Variants in UPB1 observed in about 807,000 individuals in gnomAD.
UPB1 encodes the protein beta-ureidopropionase 1.
Under a neutral mutation model 49.1 loss-of-function variants are expected in UPB1, and 40 were observed. The observed-to-expected ratio is 0.81, with a 90% CI of 0.63 to 1.06. The LOEUF (loss-of-function observed/expected upper bound fraction) is 1.06. Ranked by LOEUF, UPB1 falls within the 50% of genes least tolerant of loss-of-function variation. The pLI is 0.00. For missense variants in UPB1, 499 were observed against 505.9 expected (o/e 0.99, Z 0.13); for synonymous variants, 207 against 198.2 (o/e 1.04, Z -0.38).
chr22:24,525,105 C>T (rs1332267006), intron 9 of UPB1, among the ~76,000 whole-genome samples: 1 of 151,998 alleles, frequency 6.6e-6, no homozygotes, highest in African/African-American at 2.4e-5. Context: ...AGCAGTAAAC[C>T]AAATGTTTTC....
Position 24,523,729 on chromosome 22 carries a change from G to C in UPB1, c.1027G>C (p.Asp343His), listed in dbSNP as rs137995678. 1.1e-5 allele frequency: 17 copies of C among 1,614,154 alleles called. No homozygotes were observed. In the East Asian group the frequency reaches 3.6e-4, roughly 34 times the overall value. Residue 343 changes from aspartate to histidine, a missense_variant, in exon 9 of 10, where the codon GAC becomes CAC. Asp to His is a moderately conservative substitution (Grantham distance 81). Coordinates refer to ENST00000326010, the MANE Select transcript of UPB1 (RefSeq NM_016327.3). ...SRDGLLVAKL[D>H]LNLCQQVNDV... ...GGATGGACTGCTAGTTGCTAAGCTC[G>C]ACCTAAACCTCTGCCAGCAGGTGAA... is the stretch of plus-strand genomic sequence containing the variant.
chr22:24,523,804 C>G, intron 9 of UPB1, 31 bp downstream of exon 9: 1 of 1,613,812 alleles, frequency 6.2e-7, no homozygotes, highest in Non-Finnish European at 8.5e-7. Context: ...TTGTTGCCTG[C>G]TCCTCTGCTT....
At position 24,500,143 on chromosome 22, in the gene UPB1, C is replaced by G. The variant is rs1439551133; in HGVS notation, c.141C>G (p.Ala47=). ...TGCCCAGGGAAGCTTTCGAAGCTGCCTCCAGAGAAGACTTTGAACTGCAGG... is the reference window on the plus strand; with the variant it reads ...TGCCCAGGGAAGCTTTCGAAGCTGCGTCCAGAGAAGACTTTGAACTGCAGG... ...LDLPREAFEA[A]SREDFELQGY... The change falls in exon 2 of 10, where the codon GCC becomes GCG. Residue 47 remains alanine (A), a synonymous_variant. Transcript: ENST00000326010. The G allele has an allele frequency of 6.2e-7, 1 of 1,614,220 alleles. No individual in the cohort carries two copies. Among genetic ancestry groups the G allele is most frequent in the Non-Finnish European group, 8.5e-7 (1 of 1,180,048 alleles).
chr22:24,525,683 C>CTA (rs1184839006), intron 9 of UPB1, 28 bp from the exon 10 acceptor site: 1 of 1,614,002 alleles, frequency 6.2e-7, no homozygotes. Flanking sequence ...ACCAGAACCT[C>CTA]TAAAGTACAT....
chr22:24,517,601 T>G (rs2044319460), intron 6 of UPB1, among the ~76,000 whole-genome samples: 1 of 152,226 alleles, frequency 6.6e-6, no homozygotes, highest in Non-Finnish European at 1.5e-5. Flanking sequence ...AGGCTTTTAT[T>G]GGCTCCAGTT....
rs753089725 is a variant in UPB1 at position 24,520,399 on chromosome 22, GC to G, written c.807del (p.Ile270SerfsTer69). 20 of 1,614,038 alleles carry G rather than the reference GC, an allele frequency of 1.2e-5. No homozygotes were observed. The highest frequency in any genetic ancestry group is 8.5e-7 in the Non-Finnish European group (1 of 1,180,032). On this transcript the variant is annotated frameshift_variant, in exon 7 of 10. Transcript: ENST00000326010. LOFTEE classifies it high-confidence loss of function. ...TCCTCTCTTACAGCGAGTCCCTGTG[GC>G]CCATCGAGGCCAGAAACGCAGCCAT... is the stretch of plus-strand genomic sequence containing the variant. The part of the protein sequence containing the change: ...TIGALSESLW[P>X]IEARNAAIAN...
intron 7 of UPB1, 54 bp from the exon 8 acceptor site, chr22:24,521,932 A>G (rs989970478): frequency 1.3e-6 from 2 of 1,583,806 alleles, no homozygotes; most frequent in Non-Finnish European, 1.7e-6. Context: ...AGCTGGAATG[A>G]GTGTAGTGGT....
chr22:24,511,762 C>T (rs996613934), intron 4 of UPB1, among the ~76,000 whole-genome samples: 3 of 129,864 alleles, frequency 2.3e-5, no homozygotes, highest in East Asian at 2.2e-4. Context: ...TACAGGCGCC[C>T]GCCACCATGC....
chr22:24,510,417 C>T (rs890950022), intron 3 of UPB1, among the ~76,000 whole-genome samples: 21 of 152,182 alleles, frequency 1.4e-4, no homozygotes, highest in Middle Eastern at 3.4e-3. Flanking sequence ...CACATTTTAC[C>T]TATCAGTTCA....
At chr22:24,509,744 C>T (rs1387828273) in intron 3 of UPB1, among the ~76,000 whole-genome samples, 2 of 93,768 alleles carry the variant, frequency 2.1e-5, no homozygotes, top group Non-Finnish European at 4.5e-5. Flanking sequence ...TATAGATATA[C>T]ATTAACAATA....
At chr22:24,514,068 G>T (rs1013137276) in intron 5 of UPB1, among the ~76,000 whole-genome samples, 1 of 152,156 alleles carries the variant, frequency 6.6e-6, no homozygotes, top group Non-Finnish European at 1.5e-5. Flanking sequence ...CAACCCCTGG[G>T]TGGGTAAGAT....
intron 6 of UPB1, 108 bp from the exon 7 acceptor site, chr22:24,520,279 C>T: frequency 7.8e-7 from 1 of 1,278,600 alleles, no homozygotes; most frequent in South Asian, 1.3e-5. Context: ...GGCTCTGTCC[C>T]CACCACTGGC....
At chr22:24,502,691 T>C in intron 3 of UPB1, 1 of 598,016 alleles carries the variant, frequency 1.7e-6, no homozygotes, top group East Asian at 2.7e-5. Context: ...AAAAAATAGC[T>C]ATTATCCCCA....
chr22:24,521,217 C>T lies in UPB1; in HGVS notation c.873+749C>T, dbSNP rs540865193. Among the ~76,000 whole-genome samples, 61 of 149,682 alleles carry T rather than the reference C, an allele frequency of 4.1e-4. 3 individuals carry two copies. In the South Asian group the frequency reaches 9.5e-3, roughly 23 times the overall value. On this transcript the variant is annotated intron_variant, in intron 7 of 9. Coordinates refer to ENST00000326010, the MANE Select transcript of UPB1 (RefSeq NM_016327.3). ...AAAAAAAAGGCCAGGTGCGGACGCT[C>T]ATGCCTGTAATCCCAGCACTTTGGG...
chr22:24,523,230 G>A (rs2044426782), intron 8 of UPB1, among the ~76,000 whole-genome samples: 2 of 152,208 alleles, frequency 1.3e-5, no homozygotes, highest in Non-Finnish European at 2.9e-5. Flanking sequence ...AAGGGACCAA[G>A]GCCTGGAGGG....
chr22:24,495,980 G>A (rs888732188), intron 1 of UPB1, among the ~76,000 whole-genome samples: 4 of 152,170 alleles, frequency 2.6e-5, no homozygotes, highest in Non-Finnish European at 4.4e-5. Context: ...CTTTCCCACT[G>A]GCAAGCCATG....
At chr22:24,500,948 G>A (rs1175781834) in intron 2 of UPB1, among the ~76,000 whole-genome samples, 2 of 152,206 alleles carry the variant, frequency 1.3e-5, no homozygotes, top group African/African-American at 2.4e-5. Flanking sequence ...GGATTCTGGA[G>A]AAACCTAAGG....
chr22:24,509,621 T>C (rs1329220013), intron 3 of UPB1, among the ~76,000 whole-genome samples: 3 of 152,168 alleles, frequency 2.0e-5, no homozygotes, highest in Admixed American at 6.5e-5. Context: ...AGCAGCCTTC[T>C]GATACTTTCC....
chr22:24,495,919 C>T (rs886696300), intron 1 of UPB1, among the ~76,000 whole-genome samples: 2 of 152,190 alleles, frequency 1.3e-5, no homozygotes, highest in African/African-American at 4.8e-5. Flanking sequence ...GACCCGACCT[C>T]TGGCTGACCC....
Sources: allele counts gnomAD v4.1 joint callset (sites outside exome capture counted in the v4.1 genomes callset), GRCh38; gene constraint gnomAD v4.1.1; transcripts MANE v1.5; gene names NCBI Gene and HGNC (gene_info 2026-07-23, HGNC 2026-07-21).